Variants in TPSG1 observed in about 807,000 individuals in gnomAD.
The protein encoded by TPSG1 is tryptase gamma 1.
TPSG1 carries 43 observed loss-of-function variants against 23.8 expected under a neutral mutation model. That is an observed-to-expected ratio of 1.81 (90% confidence interval 1.42 to 2.33). The LOEUF is 2.33. Ranked by LOEUF, TPSG1 falls within the 30% of genes most tolerant of loss-of-function variation. The pLI is 0.00. For missense variants in TPSG1, 623 were observed against 438.6 expected (o/e 1.42, Z -3.75); for synonymous variants, 302 against 201.3 (o/e 1.50, Z -4.23).
rs556005292 is a variant in TPSG1 at position 1,223,584 on chromosome 16, C to G, written c.84G>C (p.Arg28=). 1.7e-4 allele frequency: 255 copies of G among 1,541,248 alleles called. 2 individuals are homozygous for G. In the African/African-American group the frequency reaches 3.4e-3, roughly 20 times the overall value. ...GGCCGCCTGCATCCGAAACCTGCGG[C>G]CGGCCACACCCTAAGTCGAAGGAGG... ...SLRTLQPGCG[R]PQVSDAGGRI... Residue 28 remains arginine (R), a synonymous_variant, in exon 3 of 6, where the codon CGG becomes CGC. Transcript: ENST00000234798.
At position 1,223,583 on chromosome 16, in the gene TPSG1, G is replaced by T; in HGVS notation, c.85C>A (p.Pro29Thr). The T allele has an allele frequency of 4.5e-6, 7 of 1,541,858 alleles. No individual in the cohort carries two copies. The highest frequency in any genetic ancestry group is 6.1e-6 in the Non-Finnish European group (7 of 1,146,042). The change falls in exon 3 of 6, where the codon CCG (proline) becomes ACG (threonine). Residue 29 changes from proline (P) to threonine (T), a missense_variant. Transcript: ENST00000234798. ...LRTLQPGCGR[P>T]QVSDAGGRIV... ...CGGCCGCCTGCATCCGAAACCTGCG[G>T]CCGGCCACACCCTAAGTCGAAGGAG...
chr16:1,224,723 G>T, intron 1 of TPSG1, 95 bp from the exon 2 acceptor site: 1 of 1,525,596 alleles, frequency 6.6e-7, no homozygotes, highest in Non-Finnish European at 9.1e-7. Context: ...GGGCGGCACT[G>T]GGGTGGGGCC....
At position 1,222,782 on chromosome 16, in the gene TPSG1, G is replaced by A. The variant is rs754457444; in HGVS notation, c.381C>T (p.Ala127=). The A allele has an allele frequency of 3.1e-6, 5 of 1,612,414 alleles. No individual in the cohort carries two copies. Among genetic ancestry groups the A allele is most frequent in the South Asian group, 2.2e-5 (2 of 91,042 alleles). Residue 127 remains alanine, a synonymous_variant, in exon 4 of 6, where the codon GCC becomes GCT. Coordinates refer to ENST00000234798, the MANE Select transcript of TPSG1 (RefSeq NM_012467.4). ...TCACGGGGACACTGAGCTCCACCAG[G>A]GCGATGTCCCCGCTGGTCCCCGGCT... is the stretch of plus-strand genomic sequence containing the variant. The part of the protein sequence containing the change: ...SGQPGTSGDI[A]LVELSVPVTL...
In TPSG1 at chr16:1,222,064, C is replaced by T. The variant is rs776305093; in HGVS notation, c.690G>A (p.Val230=). Residue 230 remains valine (V), a synonymous_variant, in exon 6 of 6, where the codon GTG becomes GTA. Coordinates refer to ENST00000234798, the MANE Select transcript of TPSG1 (RefSeq NM_012467.4). ...DDSGGPLVCQ[V]NGAWVQAGTV... ...TGCCAGCCTGCACCCAGGCACCGTTCACCTGGCAGACCAGAGGCCCCCCGG... is the reference window on the plus strand; with the variant it reads ...TGCCAGCCTGCACCCAGGCACCGTTTACCTGGCAGACCAGAGGCCCCCCGG... 4 of 1,612,700 alleles carry T rather than the reference C, an allele frequency of 2.5e-6. No individual in the cohort carries two copies. In the African/African-American group the frequency reaches 5.3e-5, roughly 22 times the overall value.
In TPSG1 at chr16:1,221,826, G is replaced by C; in HGVS notation, c.928C>G (p.Pro310Ala). The C allele has an allele frequency of 3.1e-6, 5 of 1,610,678 alleles. No homozygotes were observed. Among genetic ancestry groups the C allele is most frequent in the Non-Finnish European group, 4.2e-6 (5 of 1,178,618 alleles). The stretch of plus-strand genomic sequence containing the variant: ...GGGAAGGGAGTACCATCCGCAGATG[G>C]GTGCAGCAGGCACTTGGCCAGCAGG... ...CVLLAKCLLH[P>A]SADGTPFPAP... Residue 310 changes from proline (P) to alanine (A), a missense_variant, in exon 6 of 6, where the codon CCA (proline) becomes GCA (alanine). Pro to Ala is a conservative substitution (Grantham distance 27, BLOSUM62 -1). Transcript: ENST00000234798.
chr16:1,225,051 C>T (rs1211563110), intron 1 of TPSG1, among the ~76,000 whole-genome samples, 156 bp downstream of exon 1: 1 of 152,178 alleles, frequency 6.6e-6, no homozygotes, highest in Non-Finnish European at 1.5e-5. Context: ...GGCCTCCAGC[C>T]AGGGGTGCAG....
intron 3 of TPSG1, 127 bp from the exon 4 acceptor site, chr16:1,223,044 G>C (rs137855731): frequency 6.4e-6 from 8 of 1,243,000 alleles, no homozygotes; most frequent in Non-Finnish European, 8.7e-6. Context: ...TTGGGACGCA[G>C]AAAGCCTGGG....
rs2029929553 is a variant in TPSG1, at chr16:1,223,283, C to T, written c.245+140G>A. 8 of 1,168,352 alleles carry T rather than the reference C, an allele frequency of 6.8e-6. No homozygotes were observed. The South Asian group carries it at 1.1e-4, about 17-fold the overall frequency. 72.4% of individuals were successfully genotyped at this position (1,168,352 alleles called of 1,614,324 possible). On this transcript the variant is annotated intron_variant, in intron 3 of 5. Transcript: ENST00000234798. ...CCTCACAGAAGGTGGGCAACCAGCTCCTCCCTTTCCATTGGAAGGAAGTAG... is the reference window on the plus strand; with the variant it reads ...CCTCACAGAAGGTGGGCAACCAGCTTCTCCCTTTCCATTGGAAGGAAGTAG...
At position 1,222,084 on chromosome 16, in the gene TPSG1, C is replaced by A. The variant is rs547669117; in HGVS notation, c.670G>T (p.Gly224Trp). The A allele has an allele frequency of 6.2e-7, 1 of 1,612,782 alleles. No individual in the cohort carries two copies. Among genetic ancestry groups the A allele is most frequent in the East Asian group, 2.2e-5 (1 of 44,870 alleles). ...PGDACQDDSGGPLVCQVNGAW... is the reference protein window; with the variant it reads ...PGDACQDDSGWPLVCQVNGAW... ...CCGTTCACCTGGCAGACCAGAGGCC[C>A]CCCGGAGTCGTCCTGAGGACAGAGA... The change falls in exon 6 of 6, where the codon GGG becomes TGG. Residue 224 changes from glycine to tryptophan, a missense_variant. Transcript: ENST00000234798.
At chr16:1,223,310 C>A (rs1879325012) in intron 3 of TPSG1, 113 bp downstream of exon 3, 3 of 1,329,586 alleles carry the variant, frequency 2.3e-6, no homozygotes, top group Non-Finnish European at 3.0e-6. Flanking sequence ...AGGAAGTAGG[C>A]TCAGAGTTCC....
In TPSG1 at chr16:1,222,795, CT is replaced by C; in HGVS notation, c.367del (p.Ser123AlafsTer13). 1 of 1,612,330 alleles carries C rather than the reference CT, an allele frequency of 6.2e-7. No homozygotes were observed. The highest frequency in any genetic ancestry group is 8.5e-7 in the Non-Finnish European group (1 of 1,179,852). On this transcript the variant is annotated frameshift_variant, in exon 4 of 6. Coordinates refer to ENST00000234798, the MANE Select transcript of TPSG1 (RefSeq NM_012467.4). LOFTEE classifies it high-confidence loss of function. ...GAGCTCCACCAGGGCGATGTCCCCG[CT>C]GGTCCCCGGCTGTCCTGAGGGGCTG... is the stretch of plus-strand genomic sequence containing the variant. ...HSSPSGQPGT[S>X]GDIALVELSV...
At position 1,222,211 on chromosome 16, in the gene TPSG1, G is replaced by C. The variant is rs751638211; in HGVS notation, c.642C>G (p.Pro214=). The C allele has an allele frequency of 1.2e-6, 2 of 1,611,254 alleles. No homozygotes were observed. Among genetic ancestry groups the C allele is most frequent in the Non-Finnish European group, 1.7e-6 (2 of 1,179,732 alleles). The change falls in exon 5 of 6, where the codon CCC becomes CCG. Residue 214 remains proline (P), a synonymous_variant. Coordinates refer to ENST00000234798, the MANE Select transcript of TPSG1 (RefSeq NM_012467.4). ...GCAGGCTCACCTGGCAGGCATCCCC[G>C]GGGCCCCGGGCACACAGCATGTCGG... The part of the protein sequence containing the change: ...LQPDMLCARG[P]GDACQDDSGG...
At chr16:1,225,115 C>A in intron 1 of TPSG1, 92 bp downstream of exon 1, 1 of 1,467,114 alleles carries the variant, frequency 6.8e-7, no homozygotes, top group South Asian at 1.2e-5. Context: ...CATGTTTCTC[C>A]GTCTCAGACC....
chr16:1,222,812 T>C lies in TPSG1; in HGVS notation c.351A>G (p.Ser117=), dbSNP rs982559882. The C allele has an allele frequency of 6.2e-7, 1 of 1,611,968 alleles. No homozygotes were observed. ...TGTCCCCGCTGGTCCCCGGCTGTCC[T>C]GAGGGGCTGGAGTGCAGGATGATCT... ...VRQIILHSSP[S]GQPGTSGDIA... Residue 117 remains serine, a synonymous_variant, in exon 4 of 6, where the codon TCA becomes TCG. Transcript: ENST00000234798.
intron 5 of TPSG1, 29 bp from the exon 6 acceptor site, chr16:1,222,125 G>T (rs773169225): frequency 1.2e-6 from 2 of 1,612,356 alleles, no homozygotes; most frequent in African/African-American, 1.3e-5. Flanking sequence ...AGCATTGGGA[G>T]CCGAGAAGAT....
chr16:1,223,067 C>T (rs2029909643), intron 3 of TPSG1, 150 bp from the exon 4 acceptor site: 2 of 1,064,506 alleles, frequency 1.9e-6, no homozygotes, highest in South Asian at 1.7e-5. Context: ...GTGGCCTCAC[C>T]CTGCAGGGCC....
chr16:1,224,968 C>A (rs941263626), intron 1 of TPSG1, among the ~76,000 whole-genome samples: 1 of 151,964 alleles, frequency 6.6e-6, no homozygotes, highest in African/African-American at 2.4e-5. Flanking sequence ...CAACTACCAC[C>A]CGCCCTGCCA....
chr16:1,223,294 A>C, intron 3 of TPSG1, 129 bp downstream of exon 3: 1 of 1,239,702 alleles, frequency 8.1e-7, no homozygotes, highest in Non-Finnish European at 1.1e-6. Context: ...CTCCCTTTCC[A>C]TTGGAAGGAA....
intron 2 of TPSG1, chr16:1,224,144 C>T (rs2030018915): frequency 5.0e-6 from 1 of 200,940 alleles, no homozygotes; most frequent in South Asian, 1.0e-4. Flanking sequence ...CCACTGGCCA[C>T]ACCTGGGTCT....
Sources: allele counts gnomAD v4.1 joint callset (sites outside exome capture counted in the v4.1 genomes callset), GRCh38; gene constraint gnomAD v4.1.1; transcripts MANE v1.5; gene names NCBI Gene and HGNC (gene_info 2026-07-23, HGNC 2026-07-21).